The following PALLD variants were observed in gnomAD, a reference collection of about 807,000 sequenced individuals.
The protein encoded by PALLD is palladin.
A neutral mutation model predicts 123.5 loss-of-function variants in PALLD; 61 were observed. That is an observed-to-expected ratio of 0.49 (90% confidence interval 0.40 to 0.61). The LOEUF (loss-of-function observed/expected upper bound fraction) is 0.61. Among genes scored for constraint, PALLD ranks in the 20% least tolerant of loss-of-function variants. PALLD has a pLI of 0.00. For synonymous variants in PALLD, 465 were observed against 496.4 expected (o/e 0.94, Z 0.84); for missense variants, 1,273 against 1,377.0 (o/e 0.92, Z 1.20).
At chr4:168,807,932 C>G (rs1042869152) in intron 10 of PALLD, among the ~76,000 whole-genome samples, 2 of 152,008 alleles carry the variant, frequency 1.3e-5, no homozygotes, top group African/African-American at 4.8e-5. Flanking sequence ...TCTCGAACTT[C>G]TGACCTCAGG....
intron 2 of PALLD, among the ~76,000 whole-genome samples, chr4:168,535,666 G>C (rs1283863937): frequency 1.3e-5 from 2 of 152,186 alleles, no homozygotes; most frequent in Non-Finnish European, 2.9e-5. Context: ...GTAGGATGGG[G>C]TGTTTAACAC....
intron 2 of PALLD, among the ~76,000 whole-genome samples, chr4:168,639,693 A>G (rs767835732): frequency 5.6e-4 from 85 of 151,726 alleles, no homozygotes; most frequent in Admixed American, 9.8e-4. Flanking sequence ...ACAGGCACCC[A>G]CTACCACGCC....
At position 168,760,641 on chromosome 4, in the gene PALLD, A is replaced by G. The variant is rs548626567; in HGVS notation, c.1964+48718A>G. 3.9e-5 allele frequency among the ~76,000 whole-genome samples: 6 copies of G among 152,250 alleles called. No homozygotes were observed. In the East Asian group the frequency reaches 1.2e-3, roughly 29 times the overall value. ...ATTTTTACTACTTCCCTCTGTGGAG[A>G]GAAACCCCATGTCTAACATCTGTCT... is the stretch of plus-strand genomic sequence containing the variant. On this transcript the variant is annotated intron_variant, in intron 10 of 21. Coordinates refer to ENST00000505667, the MANE Select transcript of PALLD (RefSeq NM_001166108.2).
At chr4:168,915,727 TAAACA>T (rs1759952289) in intron 16 of PALLD, among the ~76,000 whole-genome samples, 163 bp from the exon 17 acceptor site, 1 of 152,222 alleles carries the variant, frequency 6.6e-6, no homozygotes, top group South Asian at 2.1e-4. Flanking sequence ...ACTTCCAAAC[TAAACA>T]AGAGTTTGCT....
At chr4:168,891,466 AT>A (rs1754139967) in intron 11 of PALLD, among the ~76,000 whole-genome samples, 2 of 152,188 alleles carry the variant, frequency 1.3e-5, no homozygotes, top group Non-Finnish European at 1.5e-5. Flanking sequence ...CAGCCACATT[AT>A]TTTATTACCC....
chr4:168,741,662 C>T (rs1291516146), intron 10 of PALLD, among the ~76,000 whole-genome samples: 4 of 151,818 alleles, frequency 2.6e-5, no homozygotes, highest in African/African-American at 7.3e-5. Flanking sequence ...CCAGCCTAGA[C>T]GACAGAGTAC....
At chr4:168,522,978 T>C (rs892328753) in intron 2 of PALLD, among the ~76,000 whole-genome samples, 52 of 152,166 alleles carry the variant, frequency 3.4e-4, no homozygotes, top group Admixed American at 1.5e-3. Flanking sequence ...TCTAGTTCCA[T>C]ATAACAGTGC....
chr4:168,873,535 G>T (rs564512569), intron 10 of PALLD, among the ~76,000 whole-genome samples: 8 of 152,146 alleles, frequency 5.3e-5, no homozygotes, highest in Non-Finnish European at 1.2e-4. Context: ...GACATATCAG[G>T]AATTTCCAAT....
Position 168,681,361 on chromosome 4 carries a change from A to C in PALLD, c.1117A>C (p.Ser373Arg). The change falls in exon 4 of 22, where the codon AGT becomes CGT. Residue 373 changes from serine (S) to arginine (R), a missense_variant. By Grantham distance (110) the Ser-to-Arg change is moderately radical. This residue lies in a region of PALLD where 944 missense variants were observed against 954.5 expected (regional missense o/e 0.99). Coordinates refer to ENST00000505667, the MANE Select transcript of PALLD (RefSeq NM_001166108.2). ...CAGTTCAACAGATTCTGACAGTGAA[A>C]GTTTAGCTTTCAAATCAAGAGCTGG... ...GASSTDSDSE[S>R]LAFKSRAGAM... The C allele has an allele frequency of 3.7e-6, 6 of 1,609,648 alleles. No individual in the cohort carries two copies. The highest frequency in any genetic ancestry group is 5.1e-6 in the Non-Finnish European group (6 of 1,176,156).
intron 10 of PALLD, among the ~76,000 whole-genome samples, chr4:168,811,352 G>T (rs1444740650): frequency 6.6e-6 from 1 of 152,162 alleles, no homozygotes; most frequent in African/African-American, 2.4e-5. Context: ...TTGTGTGTGT[G>T]TCTGCTTGGA....
intron 10 of PALLD, among the ~76,000 whole-genome samples, chr4:168,744,626 C>T (rs1204239965): frequency 6.6e-6 from 1 of 152,180 alleles, no homozygotes; most frequent in Non-Finnish European, 1.5e-5. Flanking sequence ...TCAGAAGACA[C>T]AGTCTAGTGG....
intron 8 of PALLD, among the ~76,000 whole-genome samples, chr4:168,704,075 G>A (rs558033947): frequency 0.01 from 1,546 of 151,834 alleles, 26 homozygotes; most frequent in African/African-American, 0.036. Flanking sequence ...CAGAAATAAC[G>A]CCACATATCT....
intron 10 of PALLD, among the ~76,000 whole-genome samples, chr4:168,797,873 A>T (rs556226209): frequency 6.7e-6 from 1 of 150,028 alleles, no homozygotes; most frequent in Admixed American, 6.7e-5. Flanking sequence ...GTTACAAAGC[A>T]TATTTCCCCC....
chr4:168,898,271 C>T (rs1050121863), intron 13 of PALLD: 11 of 576,516 alleles, frequency 1.9e-5, no homozygotes, highest in African/African-American at 1.9e-4. Flanking sequence ...TTCCTACCCC[C>T]CTCTTTTTGG....
At chr4:168,751,129 C>T (rs1422244576) in intron 10 of PALLD, among the ~76,000 whole-genome samples, 1 of 151,926 alleles carries the variant, frequency 6.6e-6, no homozygotes, top group African/African-American at 2.4e-5. Context: ...TCTCCTGCCT[C>T]AGCCTCCCGA....
At chr4:168,593,073 T>C (rs1217765939) in intron 2 of PALLD, among the ~76,000 whole-genome samples, 3 of 152,126 alleles carry the variant, frequency 2.0e-5, no homozygotes, top group Non-Finnish European at 4.4e-5. Flanking sequence ...TCATAAAGTA[T>C]AACACACAGT....
intron 10 of PALLD, among the ~76,000 whole-genome samples, chr4:168,833,636 T>G (rs1744668448): frequency 6.6e-6 from 1 of 152,082 alleles, no homozygotes; most frequent in African/African-American, 2.4e-5. Context: ...CTGTCAGGAC[T>G]GTCTCCTTAA....
Position 168,921,629 on chromosome 4 carries a change from G to C in PALLD, c.2946G>C (p.Gly982=). ...SAHKMLVREN[G]VHSLIIEPVT... ...ACAAGATGCTGGTGCGTGAGAACGGGGTGCACTCTCTGATCATAGAGCCAG... is the reference window on the plus strand; with the variant it reads ...ACAAGATGCTGGTGCGTGAGAACGGCGTGCACTCTCTGATCATAGAGCCAG... Residue 982 remains glycine, a synonymous_variant, in exon 18 of 22, where the codon GGG becomes GGC. Transcript: ENST00000505667. The C allele has an allele frequency of 6.2e-7, 1 of 1,610,846 alleles. No individual in the cohort carries two copies. Among genetic ancestry groups the C allele is most frequent in the Non-Finnish European group, 8.5e-7 (1 of 1,179,544 alleles).
At chr4:168,678,416 A>G (rs6827183) in intron 3 of PALLD, among the ~76,000 whole-genome samples, 33,307 of 152,086 alleles carry the variant, frequency 0.22, 5,661 homozygotes, top group African/African-American at 0.47. Context: ...TCTAGCAGGC[A>G]TGATATTCTA....
Sources: gnomAD v4.1 joint callset for allele counts (sites outside exome capture counted in the v4.1 genomes callset) on GRCh38, gnomAD v4.1.1 for gene constraint, gnomAD v4.1.1 regional missense constraint, MANE v1.5 for transcripts, NCBI Gene and HGNC (gene_info 2026-07-23, HGNC 2026-07-21) for gene names.